SLC24A2: variants seen among roughly 807,000 people sequenced by gnomAD.
SLC24A2 encodes the protein solute carrier family 24 member 2.
In SLC24A2, 36 loss-of-function variants were observed where a neutral mutation model predicts 62.0. The observed-to-expected ratio is 0.58, with a 90% CI of 0.44 to 0.77. SLC24A2 has a LOEUF of 0.77. SLC24A2 is among the 30% of genes least tolerant of loss of function. SLC24A2 has a pLI of 0.00. For synonymous variants in SLC24A2, 358 were observed against 294.0 expected (o/e 1.22, Z -2.23); for missense variants, 846 against 817.9 (o/e 1.03, Z -0.42).
intron 8 of SLC24A2, among the ~76,000 whole-genome samples, chr9:19,532,654 C>G (rs1439828332): frequency 6.6e-6 from 1 of 152,192 alleles, no homozygotes; most frequent in East Asian, 1.9e-4. Context: ...AGACCTGGCC[C>G]AGAGTCTTGG....
chr9:20,120,199 T>A, the SLC24A2 span, among the ~76,000 whole-genome samples: 2 of 152,172 alleles, frequency 1.3e-5, no homozygotes, highest in Non-Finnish European at 2.9e-5. Flanking sequence ...AGATCTAAAC[T>A]TTGATTGGGT....
the SLC24A2 span, among the ~76,000 whole-genome samples, chr9:19,875,172 G>C: frequency 3.3e-5 from 5 of 152,152 alleles, no homozygotes; most frequent in Non-Finnish European, 7.4e-5. Context: ...AGATTATACT[G>C]AACAAGCTTT....
At chr9:20,101,801 A>G in the SLC24A2 span, among the ~76,000 whole-genome samples, 1 of 152,176 alleles carries the variant, frequency 6.6e-6, no homozygotes, top group Non-Finnish European at 1.5e-5. Flanking sequence ...TGAGGAACTT[A>G]CCTTAAGGGA....
the SLC24A2 span, among the ~76,000 whole-genome samples, chr9:20,124,669 G>A: frequency 2.6e-5 from 4 of 152,074 alleles, no homozygotes; most frequent in Admixed American, 2.0e-4. Flanking sequence ...TGGAAATCTG[G>A]TGCCCTATGC....
chr9:19,973,211 G>C, the SLC24A2 span, among the ~76,000 whole-genome samples: 1 of 152,304 alleles, frequency 6.6e-6, no homozygotes, highest in South Asian at 2.1e-4. Context: ...GATGCTACCA[G>C]TGTTCTTGTG....
chr9:20,012,349 T>A, the SLC24A2 span, among the ~76,000 whole-genome samples: 1 of 152,146 alleles, frequency 6.6e-6, no homozygotes, highest in Non-Finnish European at 1.5e-5. Context: ...AACCATCAGA[T>A]CTCGTGAGTC....
chr9:19,597,645 G>A (rs1009424319), intron 4 of SLC24A2, among the ~76,000 whole-genome samples: 1 of 152,136 alleles, frequency 6.6e-6, no homozygotes, highest in Non-Finnish European at 1.5e-5. Context: ...CAAGGACAAC[G>A]TCCAGGCTCA....
the SLC24A2 span, among the ~76,000 whole-genome samples, chr9:19,894,792 A>T: frequency 6.6e-6 from 1 of 152,218 alleles, no homozygotes; most frequent in Non-Finnish European, 1.5e-5. Flanking sequence ...TTGATACCAC[A>T]ATCATGAATT....
At chr9:20,183,392 T>C in the SLC24A2 span, among the ~76,000 whole-genome samples, 8 of 152,246 alleles carry the variant, frequency 5.3e-5, no homozygotes, top group Non-Finnish European at 7.3e-5. Context: ...AACTGCTTTC[T>C]ACAGAAACAC....
the SLC24A2 span, among the ~76,000 whole-genome samples, chr9:20,228,972 G>T: frequency 3.3e-5 from 5 of 152,090 alleles, no homozygotes; most frequent in Non-Finnish European, 5.9e-5. Flanking sequence ...GGCAATAAAG[G>T]CCTCTGGGGG....
At chr9:20,258,862 A>G in the SLC24A2 span, among the ~76,000 whole-genome samples, 1 of 146,048 alleles carries the variant, frequency 6.8e-6, no homozygotes, top group Non-Finnish European at 1.5e-5. Flanking sequence ...TCTAATGTCT[A>G]TCTATCCATC....
chr9:20,224,652 G>A, the SLC24A2 span, among the ~76,000 whole-genome samples: 3 of 151,840 alleles, frequency 2.0e-5, no homozygotes, highest in African/African-American at 7.3e-5. Flanking sequence ...TAGGGGGAAA[G>A]GGAGAAGAGA....
At chr9:20,099,708 C>G in the SLC24A2 span, among the ~76,000 whole-genome samples, 2 of 152,246 alleles carry the variant, frequency 1.3e-5, no homozygotes, top group East Asian at 3.9e-4. Context: ...GTTTTTCCTG[C>G]CTCCAAAGTA....
chr9:19,765,110 T>C (rs924762095), intron 2 of SLC24A2, among the ~76,000 whole-genome samples: 1 of 152,210 alleles, frequency 6.6e-6, no homozygotes, highest in African/African-American at 2.4e-5. Flanking sequence ...GAGACTAGGA[T>C]TGCAACTCCT....
chr9:19,754,326 G>A (rs563969927), intron 2 of SLC24A2, among the ~76,000 whole-genome samples: 6 of 152,210 alleles, frequency 3.9e-5, no homozygotes, highest in African/African-American at 7.2e-5. Flanking sequence ...CATGAAGAGC[G>A]TAGGACTTGG....
At chr9:20,100,188 G>C in the SLC24A2 span, among the ~76,000 whole-genome samples, 3 of 151,896 alleles carry the variant, frequency 2.0e-5, no homozygotes, top group South Asian at 6.3e-4. Flanking sequence ...TTGTGTGTGT[G>C]TGTGTGTTTT....
chr9:20,295,051 T>TAC, the SLC24A2 span, among the ~76,000 whole-genome samples: 233 of 146,368 alleles, frequency 1.6e-3, no homozygotes, highest in Middle Eastern at 0.014. Context: ...TATATATATA[T>TAC]ATACACACAC....
At chr9:19,843,244 G>T in the SLC24A2 span, among the ~76,000 whole-genome samples, 2 of 152,322 alleles carry the variant, frequency 1.3e-5, no homozygotes, top group African/African-American at 4.8e-5. Context: ...CTTGTGCCTT[G>T]TAATCCCAAC....
the SLC24A2 span, among the ~76,000 whole-genome samples, chr9:20,136,832 C>G: frequency 6.6e-6 from 1 of 152,134 alleles, no homozygotes; most frequent in African/African-American, 2.4e-5. Flanking sequence ...ACCAACAGCA[C>G]AGTAATTTTA....
Sources: allele counts gnomAD v4.1 joint callset (sites outside exome capture counted in the v4.1 genomes callset), GRCh38; gene constraint gnomAD v4.1.1; transcripts MANE v1.5; gene names NCBI Gene and HGNC (gene_info 2026-07-23, HGNC 2026-07-21).